Variants in PHLPP1 observed in about 807,000 individuals in gnomAD.
The protein encoded by PHLPP1 is PH domain leucine-rich repeat-containing protein phosphatase 1.
PHLPP1 carries 42 observed loss-of-function variants against 117.2 expected under a neutral mutation model. The observed-to-expected ratio is 0.36, with a 90% CI of 0.28 to 0.46. The LOEUF (loss-of-function observed/expected upper bound fraction) is 0.46. PHLPP1 is among the 20% of genes least tolerant of loss of function. The pLI is 1.00. For synonymous variants in PHLPP1, 1,042 were observed against 970.7 expected (o/e 1.07, Z -1.37); for missense variants, 2,084 against 2,241.9 (o/e 0.93, Z 1.42).
At chr18:62,863,263 C>G (rs1175488707) in intron 4 of PHLPP1, among the ~76,000 whole-genome samples, 1 of 151,776 alleles carries the variant, frequency 6.6e-6, no homozygotes, top group Non-Finnish European at 1.5e-5. Flanking sequence ...GGCTGGAGTG[C>G]AGTGGTGGCT....
At chr18:62,972,486 T>C (rs758100647) in intron 14 of PHLPP1, 28 bp from the exon 15 acceptor site, 1 of 1,602,450 alleles carries the variant, frequency 6.2e-7, no homozygotes, top group South Asian at 1.1e-5. Flanking sequence ...ATGAGTGGAC[T>C]CAGCACAGAA....
At chr18:62,899,283 G>A (rs1916655196) in intron 6 of PHLPP1, among the ~76,000 whole-genome samples, 1 of 152,146 alleles carries the variant, frequency 6.6e-6, no homozygotes, top group East Asian at 1.9e-4. Flanking sequence ...TCCTTAGTAG[G>A]TCCAGTCCTT....
chr18:62,778,279 G>A (rs1045798436), intron 1 of PHLPP1, among the ~76,000 whole-genome samples: 1 of 152,110 alleles, frequency 6.6e-6, no homozygotes, highest in African/African-American at 2.4e-5. Context: ...TAAAAAGACA[G>A]CGCTGGAAAT....
At chr18:62,885,168 A>G (rs545484919) in intron 4 of PHLPP1, among the ~76,000 whole-genome samples, 1 of 152,356 alleles carries the variant, frequency 6.6e-6, no homozygotes, top group South Asian at 2.1e-4. Flanking sequence ...AGGAGGAAGT[A>G]TGTGAGGATT....
intron 1 of PHLPP1, among the ~76,000 whole-genome samples, chr18:62,823,888 T>A (rs1347779731): frequency 6.6e-6 from 1 of 152,144 alleles, no homozygotes; most frequent in African/African-American, 2.4e-5. Flanking sequence ...TTCCAGCACT[T>A]CGGGAGGCCG....
intron 1 of PHLPP1, among the ~76,000 whole-genome samples, chr18:62,799,222 A>G (rs187915350): frequency 3.9e-5 from 6 of 152,332 alleles, no homozygotes; most frequent in African/African-American, 1.4e-4. Context: ...ATGAAAGGAT[A>G]CTAAAAATAA....
chr18:62,794,235 GT>G (rs1013187034), intron 1 of PHLPP1, among the ~76,000 whole-genome samples: 2 of 151,360 alleles, frequency 1.3e-5, no homozygotes, highest in East Asian at 1.9e-4. Context: ...TTGTTTTGTT[GT>G]TTTTTTTCTT....
intron 1 of PHLPP1, among the ~76,000 whole-genome samples, chr18:62,806,634 T>C (rs2144306877): frequency 1.3e-5 from 2 of 152,296 alleles, no homozygotes; most frequent in Admixed American, 1.3e-4. Flanking sequence ...AAGAATTTTG[T>C]GGTATATTGT....
chr18:62,755,647 A>G (rs1415753391), intron 1 of PHLPP1, among the ~76,000 whole-genome samples: 1 of 152,150 alleles, frequency 6.6e-6, no homozygotes, highest in South Asian at 2.1e-4. Flanking sequence ...CATCAAATCT[A>G]CTGGTGCCTT....
intron 1 of PHLPP1, among the ~76,000 whole-genome samples, chr18:62,723,273 T>A (rs894412659): frequency 4.7e-4 from 71 of 152,196 alleles, no homozygotes; most frequent in African/African-American, 1.6e-3. Context: ...GCAAAAAACA[T>A]CCAGAATTTT....
At chr18:62,886,831 CTT>C (rs1916298757) in intron 4 of PHLPP1, among the ~76,000 whole-genome samples, 2 of 152,140 alleles carry the variant, frequency 1.3e-5, no homozygotes, top group Admixed American at 1.3e-4. Context: ...TAAGATTACT[CTT>C]GATTATGTGC....
In PHLPP1 at chr18:62,903,080, T is replaced by C. The variant is rs767404550; in HGVS notation, c.2561T>C (p.Ile854Thr). 8 of 1,613,504 alleles carry C rather than the reference T, an allele frequency of 5.0e-6. No individual in the cohort carries two copies. The highest frequency in any genetic ancestry group is 6.8e-6 in the Non-Finnish European group (8 of 1,179,584). ...GDLDAMIFNN[I>T]EVLHCERNQL... ...CTAGATGCTATGATTTTCAACAACA[T>C]TGAAGTTTTACACTGTGAAAGGAAT... The change falls in exon 7 of 17, where the codon ATT (isoleucine) becomes ACT (threonine). Residue 854 changes from isoleucine to threonine, a missense_variant. This residue lies in a region of PHLPP1 where 1,365 missense variants were observed against 1,605.9 expected (regional missense o/e 0.85). Coordinates refer to ENST00000262719, the MANE Select transcript of PHLPP1 (RefSeq NM_194449.4).
At position 62,944,414 on chromosome 18, in the gene PHLPP1, TATTAA is replaced by T. The variant is rs762266547; in HGVS notation, c.3162-689_3162-685del. Among the ~76,000 whole-genome samples, 290 of 152,332 alleles carry T rather than the reference TATTAA, an allele frequency of 1.9e-3. 3 individuals are homozygous for T. Among genetic ancestry groups the T allele is most frequent in the Non-Finnish European group, 5.4e-4 (37 of 68,034 alleles). On this transcript the variant is annotated intron_variant, in intron 11 of 16. Transcript: ENST00000262719. Reference sequence around the variant, plus strand: ...AATAAAAGACATTCTTAAACAGAAGTATTAAATTAATTACATTAGAACATATTATT... The same window carrying T: ...AATAAAAGACATTCTTAAACAGAAGTATTAATTACATTAGAACATATTATT...
Position 62,979,904 on chromosome 18 carries a change from G to A in PHLPP1, c.*473G>A, listed in dbSNP as rs1475904713. The stretch of plus-strand genomic sequence containing the variant: ...TTTGTCTTGAAAATAATAGACATTT[G>A]TAGAATATGGAGACTAACTCCTAGG... On this transcript the variant is annotated 3_prime_UTR_variant, in exon 17 of 17. Transcript: ENST00000262719. The A allele has an allele frequency of 6.3e-6, 1 of 159,258 alleles. No homozygotes were observed. The highest frequency in any genetic ancestry group is 1.4e-5 in the Non-Finnish European group (1 of 72,570). 9.9% of individuals were successfully genotyped at this position (159,258 alleles called of 1,614,324 possible). A position where few individuals can be genotyped will look rare whatever the true frequency, so the allele number is the denominator to read the frequency against.
intron 1 of PHLPP1, among the ~76,000 whole-genome samples, chr18:62,781,505 G>A (rs1913118876): frequency 2.0e-5 from 3 of 152,148 alleles, no homozygotes; most frequent in Admixed American, 2.0e-4. Context: ...GGCCTTTCCT[G>A]CCCTGGTGAC....
intron 1 of PHLPP1, among the ~76,000 whole-genome samples, chr18:62,825,948 A>G (rs1178950886): frequency 6.6e-6 from 1 of 152,210 alleles, no homozygotes; most frequent in African/African-American, 2.4e-5. Context: ...CGAGCCAATT[A>G]AAGTAGAAAT....
intron 4 of PHLPP1, among the ~76,000 whole-genome samples, chr18:62,881,522 G>A (rs554127353): frequency 5.4e-4 from 82 of 152,148 alleles, no homozygotes; most frequent in African/African-American, 2.0e-3. Flanking sequence ...GCTTATTTTT[G>A]TTTTCTAGTT....
At chr18:62,824,220 C>T (rs1312573958) in intron 1 of PHLPP1, 1 of 455,614 alleles carries the variant, frequency 2.2e-6, no homozygotes, top group African/African-American at 2.0e-5. Context: ...ACAAACCAGC[C>T]ATTCCAATCC....
chr18:62,857,489 A>G (rs1264742952), intron 3 of PHLPP1, among the ~76,000 whole-genome samples: 1 of 152,182 alleles, frequency 6.6e-6, no homozygotes, highest in Non-Finnish European at 1.5e-5. Context: ...CTGTTGGATC[A>G]GTCTGTGGCT....
Sources: gnomAD v4.1 joint callset for allele counts (sites outside exome capture counted in the v4.1 genomes callset) on GRCh38, gnomAD v4.1.1 for gene constraint, gnomAD v4.1.1 regional missense constraint, MANE v1.5 for transcripts, NCBI Gene and HGNC (gene_info 2026-07-23, HGNC 2026-07-21) for gene names.